The following KNL1 variants were observed in gnomAD, a reference collection of about 807,000 sequenced individuals.
KNL1 encodes outer kinetochore KNL1 complex subunit KNL1.
KNL1 carries 66 observed loss-of-function variants against 201.3 expected under a neutral mutation model. That is an observed-to-expected ratio of 0.33 (90% CI 0.27 to 0.40). The LOEUF is 0.40. KNL1 is among the 10% of genes least tolerant of loss of function. KNL1 has a pLI of 1.00. For synonymous variants in KNL1, 895 were observed against 899.2 expected, an observed-to-expected ratio of 1.00 and a Z score of 0.08; for missense variants, 2,815 against 2,690.5, an observed-to-expected ratio of 1.05 and a Z score of -1.02.
At chr15:40,599,236 C>A (rs1253918956) in intron 1 of KNL1, among the ~76,000 whole-genome samples, 1 of 150,866 alleles carries the variant, frequency 6.6e-6, no homozygotes, top group South Asian at 2.1e-4. Flanking sequence ...AGGCATGAAC[C>A]CGGGAGGCAG....
intron 3 of KNL1, 79 bp from the exon 4 acceptor site, chr15:40,606,309 TTCTAC>T: frequency 1.2e-6 from 1 of 807,102 alleles, no homozygotes; most frequent in South Asian, 1.5e-5. Context: ...AATTTTAGCT[TTCTAC>T]CTATGATATA....
At position 40,656,015 on chromosome 15, in the gene KNL1, A is replaced by G. The variant is rs201899830; in HGVS notation, c.6485-1027A>G. Among the ~76,000 whole-genome samples the G allele has an allele frequency of 2.6e-5, 4 of 152,200 alleles. No individual in the cohort carries two copies. In the East Asian group the frequency reaches 7.7e-4, roughly 29 times the overall value. ...CTGTTATGAGCACTTAGTCTGTATC[A>G]GGCATGTGTATTACTTAAATTAACA... On this transcript the variant is annotated intron_variant, in intron 22 of 25. Coordinates refer to ENST00000399668, the MANE Select transcript of KNL1 (RefSeq NM_144508.5).
At chr15:40,613,250 AGCGT>A (rs1428737995) in intron 7 of KNL1, among the ~76,000 whole-genome samples, 1 of 151,718 alleles carries the variant, frequency 6.6e-6, no homozygotes, top group Non-Finnish European at 1.5e-5. Context: ...GAAGAAGAAA[AGCGT>A]GTGTGTGTGT....
chr15:40,621,542 G>A lies in KNL1; in HGVS notation c.1278G>A (p.Lys426=), dbSNP rs368228605. 1 of 1,611,772 alleles carries A rather than the reference G, an allele frequency of 6.2e-7. No individual in the cohort carries two copies. The highest frequency in any genetic ancestry group is 1.3e-5 in the African/African-American group (1 of 74,870). ...CTAATCCATCTATTCAAGGTTGTAAGACTGTTTTCTATTCTAGTTGTAATG... is the reference window on the plus strand; with the variant it reads ...CTAATCCATCTATTCAAGGTTGTAAAACTGTTTTCTATTCTAGTTGTAATG... ...IYSNPSIQGC[K]TVFYSSCNDA... is the part of the protein sequence containing the mutation. Residue 426 remains lysine (K), a synonymous_variant, in exon 10 of 26, where the codon AAG becomes AAA. Transcript: ENST00000399668.
chr15:40,613,743 A>C (rs1247781266), intron 7 of KNL1, among the ~76,000 whole-genome samples: 1 of 151,926 alleles, frequency 6.6e-6, no homozygotes, highest in East Asian at 1.9e-4. Context: ...AGTAGCTAGG[A>C]CTACAGGTGT....
At chr15:40,640,017 G>A (rs1893175763) in intron 13 of KNL1, among the ~76,000 whole-genome samples, 1 of 151,696 alleles carries the variant, frequency 6.6e-6, no homozygotes, top group Non-Finnish European at 1.5e-5. Flanking sequence ...AGATTCAGTT[G>A]TAGGGTTTTG....
chr15:40,654,811 G>T, intron 21 of KNL1, 98 bp from the exon 22 acceptor site: 2 of 840,890 alleles, frequency 2.4e-6, no homozygotes, highest in Non-Finnish European at 3.9e-6. Context: ...TGAGCTTGCA[G>T]TGGGCCAAGA....
At position 40,625,635 on chromosome 15, in the gene KNL1, C is replaced by T. The variant is rs765989519; in HGVS notation, c.5371C>T (p.Arg1791Trp). The change falls in exon 10 of 26, where the codon CGG (arginine) becomes TGG (tryptophan). Residue 1791 changes from arginine to tryptophan, a missense_variant. Transcript: ENST00000399668. ...TAAGTTTAGTGATACGACACAAGAT[C>T]GGGAGGTGAGCTCTGTCTTGAACCA... ...EIKFSDTTQD[R>W]EIFDHHTEED... is the part of the protein sequence containing the mutation. 35 of 1,609,728 alleles carry T rather than the reference C, an allele frequency of 2.2e-5. No individual in the cohort carries two copies. The highest frequency in any genetic ancestry group is 1.3e-4 in the South Asian group (12 of 90,214).
At chr15:40,652,442 A>G (rs1893594282) in intron 21 of KNL1, among the ~76,000 whole-genome samples, 2 of 147,970 alleles carry the variant, frequency 1.4e-5, no homozygotes, top group Non-Finnish European at 3.0e-5. Flanking sequence ...ATTTACCCTA[A>G]TGGCTGGAGA....
chr15:40,618,503 TAAA>T (rs1345721222), intron 8 of KNL1, among the ~76,000 whole-genome samples: 4 of 151,914 alleles, frequency 2.6e-5, no homozygotes, highest in Non-Finnish European at 5.9e-5. Context: ...ATCCAGGAAA[TAAA>T]AATAGAGAAG....
At chr15:40,608,598 A>C (rs1892052081) in intron 4 of KNL1, among the ~76,000 whole-genome samples, 2 of 151,906 alleles carry the variant, frequency 1.3e-5, no homozygotes, top group Admixed American at 1.3e-4. Context: ...ATACAGAATT[A>C]GTTGGTCGTG....
At chr15:40,617,611 A>C (rs1892382117) in intron 8 of KNL1, among the ~76,000 whole-genome samples, 1 of 152,182 alleles carries the variant, frequency 6.6e-6, no homozygotes, top group Non-Finnish European at 1.5e-5. Flanking sequence ...AAAACTAAGG[A>C]GTTAGTCAGA....
At chr15:40,616,159 T>C (rs1892339436) in intron 8 of KNL1, among the ~76,000 whole-genome samples, 1 of 151,406 alleles carries the variant, frequency 6.6e-6, no homozygotes, top group Non-Finnish European at 1.5e-5. Context: ...TTTTCATTCT[T>C]GTTGTCCAGG....
At chr15:40,602,507 A>G (rs1341981892) in intron 1 of KNL1, among the ~76,000 whole-genome samples, 1 of 89,854 alleles carries the variant, frequency 1.1e-5, no homozygotes, top group Non-Finnish European at 2.1e-5. Context: ...TTTTTTGGAG[A>G]CAGAGTTTTG....
intron 17 of KNL1, 176 bp from the exon 18 acceptor site, chr15:40,650,125 G>GAAAAAAAAAAAAAAAAAAAAAAA: frequency 2.6e-6 from 1 of 383,784 alleles, no homozygotes; most frequent in Non-Finnish European, 4.6e-6. Flanking sequence ...CTCTTTCACA[G>GAAAAAAAAAAAAAAAAAAAAAAA]AAAAAAAAAA....
rs1194511870 is a variant in KNL1 at position 40,624,447 on chromosome 15, C to G, written c.4183C>G (p.Pro1395Ala). ...CAAAGATCAAGATCTGATTAAGGAT[C>G]CACGAAATCTATTGGCTAATCAAAC... is the stretch of plus-strand genomic sequence containing the variant. ...LHKDQDLIKD[P>A]RNLLANQTLV... is the part of the protein sequence containing the mutation. Residue 1395 changes from proline to alanine, a missense_variant, in exon 10 of 26, where the codon CCA becomes GCA. Pro to Ala is a conservative substitution (Grantham distance 27). Transcript: ENST00000399668. The G allele has an allele frequency of 6.2e-7, 1 of 1,613,664 alleles. No individual in the cohort carries two copies. Among genetic ancestry groups the G allele is most frequent in the Non-Finnish European group, 8.5e-7 (1 of 1,179,840 alleles).
chr15:40,625,587 A>G lies in KNL1; in HGVS notation c.5323A>G (p.Lys1775Glu). 3 of 1,609,082 alleles carry G rather than the reference A, an allele frequency of 1.9e-6. No individual in the cohort carries two copies. The highest frequency in any genetic ancestry group is 2.5e-6 in the Non-Finnish European group (3 of 1,178,770). ...AGAAGAAGAAGATATTCATAAGGAG[A>G]AAAAAATCAGAAAAAATGAGATTAA... ...VQEEEDIHKE[K>E]KIRKNEIKFS... Residue 1775 changes from lysine (K) to glutamate (E), a missense_variant, in exon 10 of 26, where the codon AAA becomes GAA. Transcript: ENST00000399668.
intron 1 of KNL1, among the ~76,000 whole-genome samples, chr15:40,601,318 C>T (rs1891785027): frequency 2.0e-5 from 3 of 152,162 alleles, no homozygotes; most frequent in Admixed American, 2.0e-4. Flanking sequence ...AAATAGTCTT[C>T]CCTAAAACTG....
chr15:40,646,099 G>A (rs1893375577), intron 16 of KNL1, among the ~76,000 whole-genome samples: 1 of 152,210 alleles, frequency 6.6e-6, no homozygotes, highest in African/African-American at 2.4e-5. Flanking sequence ...ATACTAAGCT[G>A]TATATGTATG....
Sources: allele counts gnomAD v4.1 joint callset (sites outside exome capture counted in the v4.1 genomes callset), GRCh38; gene constraint gnomAD v4.1.1; transcripts MANE v1.5; gene names NCBI Gene and HGNC (gene_info 2026-07-23, HGNC 2026-07-21).